TLCD4: variants seen among roughly 807,000 people sequenced by gnomAD.
TLCD4 encodes the protein TLC domain-containing protein 4.
TLCD4 carries 7 observed loss-of-function variants against 24.2 expected under a neutral mutation model. The observed-to-expected ratio is 0.29, with a 90% CI of 0.16 to 0.54. TLCD4 has a LOEUF of 0.54. TLCD4 is among the 20% of genes least tolerant of loss of function. The pLI, the probability that TLCD4 is intolerant of heterozygous loss-of-function variation, is 0.95. For synonymous variants in TLCD4, 103 were observed against 106.4 expected (o/e 0.97, Z 0.20); for missense variants, 259 against 313.9 (o/e 0.82, Z 1.32).
In TLCD4 at chr1:95,192,892, A is replaced by G. The variant is rs994775673; in HGVS notation, c.*1024A>G. The G allele has an allele frequency of 6.6e-6, 1 of 152,168 alleles. No homozygotes were observed. Among genetic ancestry groups the G allele is most frequent in the Non-Finnish European group, 1.5e-5 (1 of 68,002 alleles). The allele number at this position is 152,168 out of a possible 1,614,324, so 9.4% of individuals were successfully genotyped here. A position where few individuals can be genotyped will look rare whatever the true frequency, so the allele number is the denominator to read the frequency against. ...GACAGATTATAGACCTCCTTAAGAG[A>G]TGAGTTTCTTCTTCTAAAAATGCAT... On this transcript the variant is annotated 3_prime_UTR_variant, in exon 7 of 7. Transcript: ENST00000370203.
chr1:95,107,158 T>C, the TLCD4 span, among the ~76,000 whole-genome samples: 1 of 152,156 alleles, frequency 6.6e-6, no homozygotes, highest in Non-Finnish European at 1.5e-5. Context: ...GCGCGGTGGC[T>C]CACGCCTGTA....
chr1:95,096,810 A>G, the TLCD4 span, among the ~76,000 whole-genome samples: 3 of 152,036 alleles, frequency 2.0e-5, no homozygotes, highest in Admixed American at 2.0e-4. Flanking sequence ...TGGTTTCTTC[A>G]TTTACCTCAC....
chr1:95,172,501 C>T (rs571201415), intron 5 of TLCD4, among the ~76,000 whole-genome samples: 2 of 152,276 alleles, frequency 1.3e-5, no homozygotes, highest in African/African-American at 2.4e-5. Flanking sequence ...AAGTTGGTCA[C>T]CCCCTGTGCA....
chr1:95,182,819 A>T (rs899143467), intron 6 of TLCD4, among the ~76,000 whole-genome samples: 4 of 152,204 alleles, frequency 2.6e-5, no homozygotes, highest in Non-Finnish European at 4.4e-5. Context: ...CACTCTTAAA[A>T]TGTTTTAGGA....
chr1:95,177,413 C>T (rs1678472359), intron 6 of TLCD4, among the ~76,000 whole-genome samples: 1 of 152,050 alleles, frequency 6.6e-6, no homozygotes. Flanking sequence ...AGTTAGAGCA[C>T]TTACCCTGAA....
the TLCD4 span, among the ~76,000 whole-genome samples, chr1:95,111,320 A>AG: frequency 3.1e-5 from 4 of 128,708 alleles, no homozygotes; most frequent in East Asian, 6.8e-4. Flanking sequence ...AAACAAAACA[A>AG]AAAAAAAGAA....
rs193235868 is a variant in TLCD4, at chr1:95,190,726, C to T, written c.474-824C>T. ...CGTGAGCCACTGCAATTTGCACTTC[C>T]TAATGACAATAGTGAACATCTTTTT... On this transcript the variant is annotated intron_variant, in intron 6 of 6. Coordinates refer to ENST00000370203, the MANE Select transcript of TLCD4 (RefSeq NM_152487.3). Among the ~76,000 whole-genome samples, 66 of 152,282 alleles carry T rather than the reference C, an allele frequency of 4.3e-4. 1 individual carries two copies. Among genetic ancestry groups the T allele is most frequent in the East Asian group, 3.9e-4 (2 of 5,172 alleles).
intron 1 of TLCD4, among the ~76,000 whole-genome samples, chr1:95,130,479 A>G (rs962093744): frequency 2.6e-5 from 4 of 152,162 alleles, no homozygotes; most frequent in Non-Finnish European, 4.4e-5. Context: ...TAAAATTTCA[A>G]TGTCTTTGGT....
intron 1 of TLCD4, chr1:95,125,401 G>A (rs1676707743): frequency 6.6e-6 from 1 of 152,192 alleles, no homozygotes; most frequent in East Asian, 1.9e-4. Context: ...TAAGTATCAT[G>A]TTTATTGGGA....
intron 1 of TLCD4, chr1:95,138,695 ATAC>A (rs1383694627): frequency 1.3e-5 from 2 of 151,978 alleles, no homozygotes; most frequent in Non-Finnish European, 2.9e-5. Context: ...GTGTATCTAA[ATAC>A]TACATTGTAT....
chr1:95,101,553 G>A, the TLCD4 span, among the ~76,000 whole-genome samples: 2 of 151,632 alleles, frequency 1.3e-5, no homozygotes, highest in African/African-American at 4.8e-5. Flanking sequence ...GAGCCACATT[G>A]CCCAGCCAGG....
chr1:95,105,891 T>A, the TLCD4 span, among the ~76,000 whole-genome samples: 1 of 37,816 alleles, frequency 2.6e-5, no homozygotes, highest in Admixed American at 3.3e-4. Flanking sequence ...CGAGACTCCG[T>A]CTTAAAAAAA....
At chr1:95,166,801 C>CT (rs1678029153) in intron 5 of TLCD4, among the ~76,000 whole-genome samples, 2 of 152,150 alleles carry the variant, frequency 1.3e-5, no homozygotes, top group Admixed American at 6.5e-5. Context: ...GCAGTCATAG[C>CT]TTGCTATGGC....
chr1:95,094,226 G>A, the TLCD4 span, among the ~76,000 whole-genome samples: 1 of 152,106 alleles, frequency 6.6e-6, no homozygotes, highest in Non-Finnish European at 1.5e-5. Flanking sequence ...AACCTCTGTG[G>A]CTCAAGCAAT....
intron 3 of TLCD4, among the ~76,000 whole-genome samples, chr1:95,149,677 A>T (rs1677439872): frequency 6.6e-6 from 1 of 152,120 alleles, no homozygotes; most frequent in South Asian, 2.1e-4. Context: ...CTTTTTAAAA[A>T]TTTTCGTTTT....
intron 1 of TLCD4, among the ~76,000 whole-genome samples, chr1:95,137,271 G>C (rs1677070063): frequency 6.6e-6 from 1 of 152,140 alleles, no homozygotes. Flanking sequence ...ATAGGAAAGG[G>C]AGCTTGCCAG....
chr1:95,143,740 C>T (rs1677271267), intron 1 of TLCD4, among the ~76,000 whole-genome samples, 151 bp from the exon 2 acceptor site: 3 of 151,896 alleles, frequency 2.0e-5, no homozygotes, highest in South Asian at 2.1e-4. Flanking sequence ...AAGAAATATA[C>T]AAAAGGTCAA....
the TLCD4 span, among the ~76,000 whole-genome samples, chr1:95,099,924 G>A: frequency 1.3e-5 from 2 of 151,276 alleles, no homozygotes; most frequent in South Asian, 2.1e-4. Flanking sequence ...TTGAGTCCAG[G>A]AGTTCGAGAC....
At chr1:95,160,200 TCTC>T (rs1223145518) in intron 5 of TLCD4, among the ~76,000 whole-genome samples, 5 of 152,180 alleles carry the variant, frequency 3.3e-5, no homozygotes, top group Admixed American at 3.3e-4. Flanking sequence ...GGTTTGTAGT[TCTC>T]CTTGAAGAGG....
Sources: allele counts gnomAD v4.1 joint callset (sites outside exome capture counted in the v4.1 genomes callset), GRCh38; gene constraint gnomAD v4.1.1; transcripts MANE v1.5; gene names NCBI Gene and HGNC (gene_info 2026-07-23, HGNC 2026-07-21).